The following ACBD6 variants were observed in gnomAD, a reference collection of about 807,000 sequenced individuals.
ACBD6 encodes the protein acyl-CoA-binding domain-containing protein 6.
ACBD6 carries 28 observed loss-of-function variants against 37.2 expected under a neutral mutation model. The ratio of observed to expected loss-of-function variants is 0.75; its 90% confidence interval spans 0.56 to 1.03. The LOEUF is 1.03. Ranked by LOEUF, ACBD6 falls within the 50% of genes least tolerant of loss-of-function variation. The probability of loss-of-function intolerance (pLI) is 0.00; values close to 1 mark genes in which losing one functional copy is unlikely to be tolerated. For synonymous variants in ACBD6, 113 were observed against 126.8 expected, an observed-to-expected ratio of 0.89 and a Z score of 0.73; for missense variants, 340 against 337.4, an observed-to-expected ratio of 1.01 and a Z score of -0.06.
intron 6 of ACBD6, among the ~76,000 whole-genome samples, chr1:180,337,577 C>T (rs1407527058): frequency 3.9e-5 from 6 of 152,114 alleles, no homozygotes; most frequent in African/African-American, 1.4e-4. Flanking sequence ...GGAAGCATTC[C>T]CTTTGAAAAT....
intron 3 of ACBD6, among the ~76,000 whole-genome samples, chr1:180,433,626 AGAGAGC>A (rs1648899174): frequency 6.6e-6 from 1 of 151,924 alleles, no homozygotes; most frequent in Admixed American, 6.6e-5. Flanking sequence ...GTGTACAGAG[AGAGAGC>A]GAGAGTGAGA....
chr1:180,352,080 G>A (rs1020673851), intron 6 of ACBD6, among the ~76,000 whole-genome samples: 5 of 152,128 alleles, frequency 3.3e-5, no homozygotes, highest in Admixed American at 1.3e-4. Flanking sequence ...ATTTACATGA[G>A]GTACATGTAG....
intron 6 of ACBD6, among the ~76,000 whole-genome samples, chr1:180,352,715 T>A (rs1340875843): frequency 6.6e-6 from 1 of 152,160 alleles, no homozygotes; most frequent in Admixed American, 6.5e-5. Flanking sequence ...AGAAACTACA[T>A]TAACTAGAGA....
chr1:180,465,062 C>G (rs1650294929), intron 3 of ACBD6, among the ~76,000 whole-genome samples: 1 of 152,078 alleles, frequency 6.6e-6, no homozygotes, highest in African/African-American at 2.4e-5. Context: ...AATGTAAAAC[C>G]CAAAACCATA....
chr1:180,338,337 C>A (rs1321050069), intron 6 of ACBD6, among the ~76,000 whole-genome samples: 1 of 152,102 alleles, frequency 6.6e-6, no homozygotes, highest in African/African-American at 2.4e-5. Context: ...GAGATATGGA[C>A]CAATGGAACA....
intron 6 of ACBD6, among the ~76,000 whole-genome samples, chr1:180,336,253 T>C (rs967067493): frequency 1.1e-3 from 164 of 147,652 alleles, no homozygotes; most frequent in African/African-American, 4.1e-3. Flanking sequence ...ACTGATCACA[T>C]AGTTGGAAGT....
exon 11 of ACBD6, chr1:180,274,072 C>T (rs1425373214): frequency 3.7e-6 from 5 of 1,344,420 alleles, no homozygotes; most frequent in Non-Finnish European, 5.3e-6. Flanking sequence ...GGCTGCAAGG[C>T]AGCTGCCATC....
In ACBD6 at chr1:180,409,209, AG is replaced by A. The variant is rs1190564677; in HGVS notation, c.573+4156del. Among the ~76,000 whole-genome samples, 6 of 152,148 alleles carry A rather than the reference AG, an allele frequency of 3.9e-5. No individual in the cohort carries two copies. The South Asian group carries it at 1.0e-3, about 26-fold the overall frequency. On this transcript the variant is annotated intron_variant, in intron 5 of 7. Coordinates refer to ENST00000367595, the MANE Select transcript of ACBD6 (RefSeq NM_032360.4). ...AATGTAAGAAGGATGCAGGTAAGAG[AG>A]AATTTTTTTGTTTATAAGACTAATA...
intron 3 of ACBD6, among the ~76,000 whole-genome samples, chr1:180,439,467 T>C (rs1005088418): frequency 6.6e-6 from 1 of 152,060 alleles, no homozygotes; most frequent in Non-Finnish European, 1.5e-5. Context: ...GGTGGGCGCC[T>C]GTAGTCCCAG....
chr1:180,489,689 C>T (rs925037859), intron 3 of ACBD6, among the ~76,000 whole-genome samples: 1 of 148,216 alleles, frequency 6.7e-6, no homozygotes, highest in Non-Finnish European at 1.5e-5. Flanking sequence ...TGGAGTCTTG[C>T]TCTGTCGCCC....
In ACBD6 at chr1:180,310,384, C is replaced by T. The variant is rs573742106; in HGVS notation, c.694+4308G>A. 9.2e-5 allele frequency among the ~76,000 whole-genome samples: 14 copies of T among 152,178 alleles called. No individual in the cohort carries two copies. The South Asian group carries it at 2.9e-3, about 31-fold the overall frequency. Reference sequence around the variant, plus strand: ...TCACAAACAAACAAACAAAAAAACCCTACTAGAGGCCTATTTATAGACAGG... The same window carrying T: ...TCACAAACAAACAAACAAAAAAACCTTACTAGAGGCCTATTTATAGACAGG... On this transcript the variant is annotated intron_variant, in intron 7 of 7. Coordinates refer to ENST00000367595, the MANE Select transcript of ACBD6 (RefSeq NM_032360.4).
intron 3 of ACBD6, among the ~76,000 whole-genome samples, chr1:180,471,890 C>T (rs1479324056): frequency 6.6e-6 from 1 of 152,040 alleles, no homozygotes; most frequent in Non-Finnish European, 1.5e-5. Flanking sequence ...AAACAAAAAC[C>T]AAGTATGGTT....
intron 3 of ACBD6, among the ~76,000 whole-genome samples, chr1:180,458,433 G>A (rs1373498569): frequency 6.6e-6 from 1 of 152,050 alleles, no homozygotes; most frequent in Non-Finnish European, 1.5e-5. Flanking sequence ...AGTATAACCA[G>A]GAATTTAGGT....
chr1:180,401,742 C>G (rs998318824), intron 5 of ACBD6, among the ~76,000 whole-genome samples: 1 of 144,288 alleles, frequency 6.9e-6, no homozygotes, highest in Non-Finnish European at 1.5e-5. Context: ...GAGATGAGAT[C>G]GTGCCACTGT....
intron 6 of ACBD6, among the ~76,000 whole-genome samples, chr1:180,364,557 T>G (rs1052826020): frequency 4.6e-5 from 7 of 152,090 alleles, no homozygotes; most frequent in African/African-American, 1.7e-4. Flanking sequence ...AGACATAGAT[T>G]TAACAGGTAG....
chr1:180,428,921 CTCTG>C (rs1648705043), intron 4 of ACBD6, among the ~76,000 whole-genome samples: 1 of 152,084 alleles, frequency 6.6e-6, no homozygotes, highest in African/African-American at 2.4e-5. Flanking sequence ...ACCAGCAGCT[CTCTG>C]TCTTACAATA....
intron 6 of ACBD6, among the ~76,000 whole-genome samples, chr1:180,331,082 T>C (rs888704914): frequency 2.0e-5 from 3 of 152,208 alleles, no homozygotes; most frequent in Non-Finnish European, 2.9e-5. Flanking sequence ...AAGAGATCCA[T>C]ATCAGCAGAT....
intron 4 of ACBD6, among the ~76,000 whole-genome samples, chr1:180,416,276 CAATGTAT>C (rs1648092166): frequency 6.6e-6 from 1 of 152,084 alleles, no homozygotes; most frequent in Non-Finnish European, 1.5e-5. Context: ...AAATTATGTA[CAATGTAT>C]AAATCAAACT....
chr1:180,413,525 A>G (rs1017272695), intron 4 of ACBD6, 54 bp from the exon 5 acceptor site: 7 of 1,341,328 alleles, frequency 5.2e-6, no homozygotes, highest in Admixed American at 1.7e-5. Context: ...TTAAAGTTAC[A>G]TATTTTCAAC....
Sources: gnomAD v4.1 joint callset for allele counts (sites outside exome capture counted in the v4.1 genomes callset) on GRCh38, gnomAD v4.1.1 for gene constraint, MANE v1.5 for transcripts, NCBI Gene and HGNC (gene_info 2026-07-23, HGNC 2026-07-21) for gene names.